NRXN1: variants seen among roughly 807,000 people sequenced by gnomAD.
The protein encoded by NRXN1 is neurexin 1.
NRXN1 carries 39 observed loss-of-function variants against 150.9 expected under a neutral mutation model. The ratio of observed to expected loss-of-function variants is 0.26; its 90% CI spans 0.20 to 0.34. The LOEUF (loss-of-function observed/expected upper bound fraction) is 0.34. Ranked by LOEUF, NRXN1 falls within the 10% of genes least tolerant of loss-of-function variation. The probability of loss-of-function intolerance (pLI) is 1.00; values close to 1 mark genes in which losing one functional copy is unlikely to be tolerated. For missense variants in NRXN1, 1,815 were observed against 1,949.9 expected, an observed-to-expected ratio of 0.93 and a Z score of 1.30; for synonymous variants, 924 against 757.0, an observed-to-expected ratio of 1.22 and a Z score of -3.62.
At chr2:50,357,414 T>G (rs2078898678) in intron 17 of NRXN1, among the ~76,000 whole-genome samples, 1 of 152,036 alleles carries the variant, frequency 6.6e-6, no homozygotes, top group South Asian at 2.1e-4. Context: ...GTTCAGACGA[T>G]TCTCCTGCCT....
chr2:49,950,695 T>C (rs1673778701), intron 21 of NRXN1, among the ~76,000 whole-genome samples: 1 of 151,974 alleles, frequency 6.6e-6, no homozygotes, highest in South Asian at 2.1e-4. Flanking sequence ...TCATTTACAA[T>C]TCACCAATAG....
rs188931853 is a variant in NRXN1 at position 50,580,643 on chromosome 2, G to T, written c.1321-27618C>A. 5.6e-3 allele frequency among the ~76,000 whole-genome samples: 849 copies of T among 152,150 alleles called. 7 individuals carry two copies. Among genetic ancestry groups the T allele is most frequent in the Non-Finnish European group, 7.1e-3 (480 of 67,986 alleles). On this transcript the variant is annotated intron_variant, in intron 8 of 22. Transcript: ENST00000401669. ...AAGGAAGGTTGGAAGAAAGTAGAGG[G>T]GTATATGCTGGACAAAAGACTACTC...
intron 21 of NRXN1, chr2:50,023,833 C>CT (rs1384900021): frequency 6.6e-6 from 1 of 152,112 alleles, no homozygotes; most frequent in Non-Finnish European, 1.5e-5. Flanking sequence ...AAAAGTAAAG[C>CT]TGTGCTTTCA....
chr2:50,686,910 C>T (rs1691312269), intron 5 of NRXN1, among the ~76,000 whole-genome samples: 1 of 152,094 alleles, frequency 6.6e-6, no homozygotes, highest in Non-Finnish European at 1.5e-5. Flanking sequence ...AAAAATGAAA[C>T]CCTGTGTTTA....
At chr2:50,784,381 T>C (rs1304206261) in intron 5 of NRXN1, among the ~76,000 whole-genome samples, 1 of 151,920 alleles carries the variant, frequency 6.6e-6, no homozygotes, top group African/African-American at 2.4e-5. Flanking sequence ...CAGGGACAAG[T>C]TGTCTTGAAG....
At chr2:50,183,104 T>C (rs2060840886) in intron 18 of NRXN1, among the ~76,000 whole-genome samples, 1 of 152,084 alleles carries the variant, frequency 6.6e-6, no homozygotes, top group Admixed American at 6.6e-5. Context: ...CAGCCAATTA[T>C]AGAAGGAAGT....
intron 8 of NRXN1, among the ~76,000 whole-genome samples, chr2:50,592,155 C>T (rs949993911): frequency 2.0e-5 from 3 of 152,210 alleles, no homozygotes; most frequent in South Asian, 2.1e-4. Context: ...CTAGCTACTA[C>T]GACTACTCTA....
chr2:50,897,706 T>C (rs1682216972), intron 5 of NRXN1, among the ~76,000 whole-genome samples: 1 of 152,156 alleles, frequency 6.6e-6, no homozygotes, highest in African/African-American at 2.4e-5. Context: ...ATGAAGACTA[T>C]TCTATGGTGA....
At chr2:49,948,159 T>A (rs1365993299) in intron 21 of NRXN1, among the ~76,000 whole-genome samples, 1 of 152,038 alleles carries the variant, frequency 6.6e-6, no homozygotes, top group Non-Finnish European at 1.5e-5. Flanking sequence ...CTTAAAAAAA[T>A]TCATGGGCTA....
chr2:50,931,163 T>C (rs964765146), intron 2 of NRXN1, among the ~76,000 whole-genome samples: 3 of 152,148 alleles, frequency 2.0e-5, no homozygotes, highest in Non-Finnish European at 4.4e-5. Flanking sequence ...CTCCCACTAA[T>C]AAGACTAATG....
At chr2:50,286,954 G>C (rs945800331) in intron 17 of NRXN1, among the ~76,000 whole-genome samples, 2 of 151,942 alleles carry the variant, frequency 1.3e-5, no homozygotes, top group African/African-American at 4.8e-5. Context: ...TTACAATATA[G>C]ACATGTTGAT....
At chr2:50,726,228 T>A (rs990755552) in intron 5 of NRXN1, among the ~76,000 whole-genome samples, 2 of 152,250 alleles carry the variant, frequency 1.3e-5, no homozygotes. Context: ...TGTGCTGTGA[T>A]TCATGTTTTC....
chr2:50,952,376 G>T (rs1433160295), intron 2 of NRXN1, among the ~76,000 whole-genome samples: 5 of 151,976 alleles, frequency 3.3e-5, no homozygotes, highest in African/African-American at 1.2e-4. Flanking sequence ...TATAGAATTG[G>T]ACCAGATAAT....
At chr2:50,631,323 A>G in intron 5 of NRXN1, 1 of 291,180 alleles carries the variant, frequency 3.4e-6, no homozygotes, top group Non-Finnish European at 6.7e-6. Flanking sequence ...GCTTCTATCA[A>G]ATAATTCAAA....
intron 17 of NRXN1, among the ~76,000 whole-genome samples, chr2:50,450,126 C>T (rs1051687281): frequency 6.6e-6 from 1 of 152,150 alleles, no homozygotes; most frequent in African/African-American, 2.4e-5. Context: ...ATGTGTCTTG[C>T]TCTGTGATCA....
At chr2:50,612,680 T>C (rs754859695) in intron 8 of NRXN1, among the ~76,000 whole-genome samples, 12 of 152,202 alleles carry the variant, frequency 7.9e-5, no homozygotes, top group Non-Finnish European at 1.5e-4. Context: ...CATAGGCACA[T>C]TGAGGCACTA....
At chr2:50,748,306 G>A (rs149085069) in intron 5 of NRXN1, among the ~76,000 whole-genome samples, 17 of 152,226 alleles carry the variant, frequency 1.1e-4, no homozygotes, top group African/African-American at 3.4e-4. Flanking sequence ...GCGCAGCACT[G>A]ATAAGGTTAA....
intron 18 of NRXN1, among the ~76,000 whole-genome samples, chr2:50,170,293 T>C (rs2059950346): frequency 6.6e-6 from 1 of 150,484 alleles, no homozygotes; most frequent in Non-Finnish European, 1.5e-5. Context: ...TTTTGTTTTG[T>C]TTTGTTTTGT....
intron 19 of NRXN1, among the ~76,000 whole-genome samples, chr2:50,065,791 A>T (rs982856787): frequency 3.3e-5 from 5 of 152,110 alleles, no homozygotes; most frequent in African/African-American, 1.2e-4. Context: ...TAATCCACTA[A>T]CTTCAGTGCT....
Sources: allele counts gnomAD v4.1 joint callset (sites outside exome capture counted in the v4.1 genomes callset), GRCh38; gene constraint gnomAD v4.1.1; transcripts MANE v1.5; gene names NCBI Gene and HGNC (gene_info 2026-07-23, HGNC 2026-07-21).